The following MINK1 variants were observed in gnomAD, a reference collection of about 807,000 sequenced individuals.
MINK1 encodes the protein misshapen-like kinase 1.
Under a neutral mutation model 178.4 loss-of-function variants are expected in MINK1, and 46 were observed. The observed-to-expected ratio is 0.26, with a 90% CI of 0.20 to 0.33. The LOEUF is 0.33. Among genes scored for constraint, MINK1 ranks in the 10% least tolerant of loss-of-function variants. The pLI is 1.00. For synonymous variants in MINK1, 797 were observed against 709.7 expected, an observed-to-expected ratio of 1.12 and a Z score of -1.96; for missense variants, 1,366 against 1,814.9, an observed-to-expected ratio of 0.75 and a Z score of 4.49.
chr17:4,885,864 G>A lies in MINK1; in HGVS notation c.640-47G>A. On this transcript the variant is annotated intron_variant, in intron 7 of 31. Coordinates refer to ENST00000355280, the MANE Select transcript of MINK1 (RefSeq NM_153827.5). This position sits in a 1 kb window ranked among gnomAD's most constrained non-coding sequence, Gnocchi z 5.0. ...ATGGTGGGTGAAGAGAGGTTGCAGG[G>A]CAGAGTTGTCAGGAATATTCACTTG... is the stretch of plus-strand genomic sequence containing the variant. The A allele has an allele frequency of 6.2e-7, 1 of 1,601,604 alleles. No individual in the cohort carries two copies. Among genetic ancestry groups the A allele is most frequent in the South Asian group, 1.1e-5 (1 of 90,620 alleles).
chr17:4,889,973 A>AC, intron 13 of MINK1: 1 of 516,716 alleles, frequency 1.9e-6, no homozygotes, highest in Non-Finnish European at 3.3e-6. Context: ...CCATCTCTTT[A>AC]CCCCATCCCT....
rs1908787189 is a variant in MINK1, at chr17:4,833,452, C to T, written c.-132C>T. 1 of 693,082 alleles carries T rather than the reference C, an allele frequency of 1.4e-6. No homozygotes were observed. Among genetic ancestry groups the T allele is most frequent in the Admixed American group, 3.2e-5 (1 of 31,522 alleles). The allele number at this position is 693,082 out of a possible 1,614,324, so 42.9% of individuals were successfully genotyped here. A position where few individuals can be genotyped will look rare whatever the true frequency, so the allele number is the denominator to read the frequency against. On this transcript the variant is annotated 5_prime_UTR_variant, in exon 1 of 32. Coordinates refer to ENST00000355280, the MANE Select transcript of MINK1 (RefSeq NM_153827.5). The surrounding 1 kb of genome is among the most constrained non-coding windows in gnomAD (Gnocchi z 4.8). ...CGGTCCTCGCGCCGGCCCTCCCCCT[C>T]CCCGGTCTCCGGGGGAGGCGCGGTG...
intron 3 of MINK1, 40 bp from the exon 4 acceptor site, chr17:4,881,092 T>C: frequency 1.3e-6 from 2 of 1,535,960 alleles, no homozygotes; most frequent in Non-Finnish European, 1.7e-6. Flanking sequence ...GAAGGGAGTG[T>C]TGGGGGAGTC....
chr17:4,896,889 G>GA lies in MINK1; in HGVS notation c.3915+77dup, dbSNP rs765614952. 24 of 1,488,642 alleles carry GA rather than the reference G, an allele frequency of 1.6e-5. No individual in the cohort carries two copies. Among genetic ancestry groups the GA allele is most frequent in the Non-Finnish European group, 2.1e-5 (23 of 1,120,756 alleles). The allele number at this position is 1,488,642 out of a possible 1,614,324, so 92.2% of individuals were successfully genotyped here. ...CTAGGCCCCTGGGCAGAGTTCTGGGGAGAGGATGGTGGTGGTGGCTTCCTG... is the reference window on the plus strand; with the variant it reads ...CTAGGCCCCTGGGCAGAGTTCTGGGGAAGAGGATGGTGGTGGTGGCTTCCTG... On this transcript the variant is annotated intron_variant, in intron 31 of 31. Coordinates refer to ENST00000355280, the MANE Select transcript of MINK1 (RefSeq NM_153827.5). The surrounding 1 kb of genome is among the most constrained non-coding windows in gnomAD (Gnocchi z 4.6).
At chr17:4,851,431 C>T (rs1911928782) in intron 1 of MINK1, among the ~76,000 whole-genome samples, 1 of 152,174 alleles carries the variant, frequency 6.6e-6, no homozygotes, top group Admixed American at 6.5e-5. Context: ...TTGCTGTTGT[C>T]CTCAGCTAAG....
chr17:4,883,626 G>C (rs922331171), intron 4 of MINK1, among the ~76,000 whole-genome samples: 3 of 151,392 alleles, frequency 2.0e-5, no homozygotes, highest in Non-Finnish European at 2.9e-5. Flanking sequence ...CCGCCTTCCG[G>C]GTTCACGCCG....
rs375621423 is a variant in MINK1 at position 4,881,128 on chromosome 17, T to A, written c.181-4T>A. The A allele has an allele frequency of 3.8e-5, 59 of 1,536,914 alleles. No homozygotes were observed. In the East Asian group the frequency reaches 5.1e-4, roughly 13 times the overall value. ...TCAGGGCTCAGCTCCTCCCATCTGC[T>A]TAGGACGAGGAGGAAGAGATCAAAC... On this transcript the variant is annotated splice_polypyrimidine_tract_variant and splice_region_variant and intron_variant, in intron 3 of 31. Transcript: ENST00000355280.
chr17:4,853,892 GC>G (rs1912606214), intron 1 of MINK1, among the ~76,000 whole-genome samples: 1 of 152,122 alleles, frequency 6.6e-6, no homozygotes, highest in Non-Finnish European at 1.5e-5. Flanking sequence ...GAAAGACTTT[GC>G]AAGATACTCC....
intron 4 of MINK1, among the ~76,000 whole-genome samples, chr17:4,883,639 C>T (rs1967926321): frequency 6.6e-6 from 1 of 151,696 alleles, no homozygotes; most frequent in South Asian, 2.1e-4. Flanking sequence ...TCACGCCGTT[C>T]TCCTGCCTCA....
intron 1 of MINK1, among the ~76,000 whole-genome samples, chr17:4,864,613 T>C (rs2150906284): frequency 1.3e-5 from 2 of 151,772 alleles, no homozygotes; most frequent in Admixed American, 1.3e-4. Flanking sequence ...TAATCCCAGC[T>C]ACTGGGGAGG....
chr17:4,872,676 G>A (rs1158958210), intron 1 of MINK1, among the ~76,000 whole-genome samples: 1 of 152,086 alleles, frequency 6.6e-6, no homozygotes, highest in Non-Finnish European at 1.5e-5. Flanking sequence ...GGAGGCTGAA[G>A]CAGGAGAATT....
At chr17:4,873,609 TTTC>T (rs1458315766) in intron 1 of MINK1, among the ~76,000 whole-genome samples, 3 of 121,856 alleles carry the variant, frequency 2.5e-5, no homozygotes, top group Non-Finnish European at 5.4e-5. Context: ...GCCACTCTTT[TTTC>T]TTTTCTTTTT....
Position 4,891,451 on chromosome 17 carries a change from T to A in MINK1, c.1741-5T>A. 1 of 1,562,852 alleles carries A rather than the reference T, an allele frequency of 6.4e-7. No individual in the cohort carries two copies. Among genetic ancestry groups the A allele is most frequent in the Non-Finnish European group, 8.7e-7 (1 of 1,148,816 alleles). ...CAGCCCACCCTCCCTGGTCTCTCCCTGCAGAGCCTGGTGGCACACCGGGTC... is the reference window on the plus strand; with the variant it reads ...CAGCCCACCCTCCCTGGTCTCTCCCAGCAGAGCCTGGTGGCACACCGGGTC... On this transcript the variant is annotated splice_polypyrimidine_tract_variant and splice_region_variant and intron_variant, in intron 15 of 31. Coordinates refer to ENST00000355280, the MANE Select transcript of MINK1 (RefSeq NM_153827.5).
chr17:4,851,589 C>T (rs1212978118), intron 1 of MINK1, among the ~76,000 whole-genome samples: 1 of 152,194 alleles, frequency 6.6e-6, no homozygotes, highest in African/African-American at 2.4e-5. Context: ...GCTCTTTTCT[C>T]CTCCGAGAAG....
chr17:4,868,834 C>T (rs1214761031), intron 1 of MINK1: 3 of 346,712 alleles, frequency 8.7e-6, no homozygotes, highest in Non-Finnish European at 1.8e-5. Flanking sequence ...CATGCAGCCT[C>T]AACCTCCCAG....
chr17:4,896,994 C>G lies in MINK1; in HGVS notation c.3915+181C>G, dbSNP rs924277282. On this transcript the variant is annotated intron_variant, in intron 31 of 31. Coordinates refer to ENST00000355280, the MANE Select transcript of MINK1 (RefSeq NM_153827.5). This position sits in a 1 kb window ranked among gnomAD's most constrained non-coding sequence, Gnocchi z 4.6. ...GCTCCCTTCAGATTCCGAGGACTTC[C>G]CAGCTGGCCCCCAGGGGGCGAGTGG... 5.9e-6 allele frequency: 6 copies of G among 1,012,202 alleles called. No homozygotes were observed. Among genetic ancestry groups the G allele is most frequent in the Admixed American group, 5.8e-5 (2 of 34,486 alleles). 62.7% of individuals were successfully genotyped at this position (1,012,202 alleles called of 1,614,324 possible). A position where few individuals can be genotyped will look rare whatever the true frequency, so the allele number is the denominator to read the frequency against.
chr17:4,864,674 G>A (rs547376213), intron 1 of MINK1, among the ~76,000 whole-genome samples: 2 of 151,848 alleles, frequency 1.3e-5, no homozygotes, highest in South Asian at 2.1e-4. Context: ...GCAGTGAGCC[G>A]AGATCGCACC....
At position 4,886,571 on chromosome 17, in the gene MINK1, C is replaced by T. The variant is rs758857648; in HGVS notation, c.894C>T (p.Val298=). Residue 298 remains valine (V), a synonymous_variant, in exon 10 of 32, where the codon GTC becomes GTT. Coordinates refer to ENST00000355280, the MANE Select transcript of MINK1 (RefSeq NM_153827.5). The surrounding 1 kb of genome is among the most constrained non-coding windows in gnomAD (Gnocchi z 6.1). ...FIRDQPTERQ[V]RIQLKDHIDR... ...GGGACCAGCCCACGGAGCGGCAGGT[C>T]CGCATCCAGCTTAAGGACCACATTG... 1.2e-6 allele frequency: 2 copies of T among 1,612,306 alleles called. No individual in the cohort carries two copies. Among genetic ancestry groups the T allele is most frequent in the South Asian group, 1.1e-5 (1 of 90,958 alleles).
At chr17:4,849,675 G>A (rs140001312) in intron 1 of MINK1, among the ~76,000 whole-genome samples, 3,906 of 152,186 alleles carry the variant, frequency 0.026, 147 homozygotes, top group African/African-American at 0.082. Context: ...TGGTTTAAGC[G>A]ATTCTCCTGC....
Sources: allele counts gnomAD v4.1 joint callset (sites outside exome capture counted in the v4.1 genomes callset), GRCh38; gene constraint gnomAD v4.1.1; non-coding constraint Gnocchi (gnomAD v3.1); transcripts MANE v1.5; gene names NCBI Gene and HGNC (gene_info 2026-07-23, HGNC 2026-07-21).